The following NELL2 variants were observed in gnomAD, a reference collection of about 807,000 sequenced individuals.
NELL2 encodes protein kinase C-binding protein NELL2.
NELL2 carries 41 observed loss-of-function variants against 109.6 expected under a neutral mutation model. The ratio of observed to expected loss-of-function variants is 0.37; its 90% CI spans 0.29 to 0.49. NELL2 has a LOEUF of 0.49. Ranked by LOEUF, NELL2 falls within the 20% of genes least tolerant of loss-of-function variation. The pLI, the probability that NELL2 is intolerant of heterozygous loss-of-function variation, is 0.98. For synonymous variants in NELL2, 355 were observed against 344.7 expected, an observed-to-expected ratio of 1.03 and a Z score of -0.33; for missense variants, 900 against 1,008.3, an observed-to-expected ratio of 0.89 and a Z score of 1.45.
At chr12:44,811,344 A>AAAAAAAAAAAAAAAAAAAAAAAAG (rs1943172418) in intron 3 of NELL2, among the ~76,000 whole-genome samples, 1 of 150,986 alleles carries the variant, frequency 6.6e-6, no homozygotes, top group Non-Finnish European at 1.5e-5. Context: ...AAGTAAAAAA[A>AAAAAAAAAAAAAAAAAAAAAAAAG]AAAAAAAAAA....
At chr12:44,640,236 T>G (rs191327920) in intron 13 of NELL2, among the ~76,000 whole-genome samples, 221 of 152,304 alleles carry the variant, frequency 1.5e-3, no homozygotes, top group African/African-American at 5.1e-3. Flanking sequence ...ACACTTGCTA[T>G]GCACCAGGAA....
At chr12:44,510,175 C>T (rs970353506) in intron 19 of NELL2, among the ~76,000 whole-genome samples, 1 of 152,142 alleles carries the variant, frequency 6.6e-6, no homozygotes, top group South Asian at 2.1e-4. Context: ...TTTTTAAAAC[C>T]GTGATGATGA....
intron 13 of NELL2, among the ~76,000 whole-genome samples, chr12:44,663,061 G>A (rs547652848): frequency 6.6e-6 from 1 of 152,222 alleles, no homozygotes; most frequent in East Asian, 1.9e-4. Context: ...TCTTAAGGGA[G>A]CTCTCAAAAA....
intron 13 of NELL2, among the ~76,000 whole-genome samples, chr12:44,619,921 G>A (rs1291532093): frequency 6.6e-6 from 1 of 152,078 alleles, no homozygotes; most frequent in East Asian, 1.9e-4. Context: ...GTATAACGGA[G>A]AAAATGATGG....
At chr12:44,519,846 T>C (rs1355019610) in intron 19 of NELL2, among the ~76,000 whole-genome samples, 159 bp downstream of exon 19, 1 of 127,088 alleles carries the variant, frequency 7.9e-6, no homozygotes, top group African/African-American at 5.0e-5. Context: ...ATGACAGCCC[T>C]GGAACTAACA....
intron 10 of NELL2, among the ~76,000 whole-genome samples, chr12:44,712,890 T>C (rs1938282523): frequency 1.3e-5 from 2 of 151,844 alleles, no homozygotes; most frequent in Non-Finnish European, 2.9e-5. Flanking sequence ...ACTAGTCCAA[T>C]AAAAATTACG....
chr12:44,523,581 A>T, intron 16 of NELL2, 97 bp from the exon 17 acceptor site: 1 of 977,114 alleles, frequency 1.0e-6, no homozygotes, highest in South Asian at 1.5e-5. Flanking sequence ...AAGGTATTCA[A>T]CTGTAAATTA....
intron 2 of NELL2, among the ~76,000 whole-genome samples, chr12:44,874,109 G>T (rs143322292): frequency 2.7e-4 from 41 of 152,138 alleles, no homozygotes; most frequent in African/African-American, 9.6e-4. Context: ...GCTATATCAG[G>T]CAACAACACC....
intron 12 of NELL2, among the ~76,000 whole-genome samples, chr12:44,669,971 A>T (rs549507508): frequency 6.6e-6 from 1 of 152,340 alleles, no homozygotes; most frequent in African/African-American, 2.4e-5. Flanking sequence ...GTCAAAAGTC[A>T]AAGACAAACA....
intron 13 of NELL2, among the ~76,000 whole-genome samples, chr12:44,622,612 A>G (rs2136273702): frequency 6.6e-6 from 1 of 152,280 alleles, no homozygotes; most frequent in East Asian, 1.9e-4. Context: ...AAGAAAAACA[A>G]CCATAGCATT....
chr12:44,830,067 G>C (rs1464706376), intron 2 of NELL2, among the ~76,000 whole-genome samples: 2 of 152,044 alleles, frequency 1.3e-5, no homozygotes, highest in Non-Finnish European at 2.9e-5. Flanking sequence ...ATAAAAAGAA[G>C]AAAACAAGAT....
rs953687729 is a variant in NELL2, at chr12:44,681,664, G to A, written c.1319-16055C>T. ...CTCCCACCTATGGGTGAGAATATGC[G>A]GTGTTTGGTTTTTTGTTCTTGCGAT... On this transcript the variant is annotated intron_variant, in intron 12 of 19. Transcript: ENST00000429094. Among the ~76,000 whole-genome samples the A allele has an allele frequency of 6.6e-5, 10 of 151,994 alleles. No homozygotes were observed. In the South Asian group the frequency reaches 1.2e-3, roughly 19 times the overall value.
At position 44,874,785 on chromosome 12, in the gene NELL2, C is replaced by G. The variant is rs1298173815; in HGVS notation, c.184+440G>C. ...AAATATTCAGAGGCATTAATTTTTC[C>G]AGAAAGCTACCCCCATAAAACAATT... On this transcript the variant is annotated intron_variant, in intron 2 of 19. Coordinates refer to ENST00000429094, the MANE Select transcript of NELL2 (RefSeq NM_001145108.2). 5.3e-5 allele frequency among the ~76,000 whole-genome samples: 8 copies of G among 152,124 alleles called. No homozygotes were observed. The East Asian group carries it at 1.5e-3, about 29-fold the overall frequency.
intron 15 of NELL2, among the ~76,000 whole-genome samples, chr12:44,598,883 A>ACACACACACTCT (rs1265603008): frequency 3.5e-5 from 5 of 143,934 alleles, no homozygotes; most frequent in Admixed American, 2.1e-4. Flanking sequence ...ACACACACAC[A>ACACACACACTCT]CTCTCTCTCT....
At chr12:44,766,192 T>C (rs2408051) in intron 9 of NELL2, among the ~76,000 whole-genome samples, 55,080 of 152,096 alleles carry the variant, frequency 0.36, 10,448 homozygotes, top group Non-Finnish European at 0.42. Flanking sequence ...ACTAAGCTCC[T>C]ATATCATTGT....
At chr12:44,742,832 A>G (rs1940071944) in intron 9 of NELL2, among the ~76,000 whole-genome samples, 2 of 152,228 alleles carry the variant, frequency 1.3e-5, no homozygotes, top group Admixed American at 1.3e-4. Flanking sequence ...TGATTGGCGT[A>G]CCTGAAAGTG....
rs200833529 is a variant in NELL2 at position 44,797,791 on chromosome 12, T to C, written c.336-17769A>G. ...AGGATGAAAGGATGAAAAAATCCAA[T>C]TCTTTGACAAATTTTTATTCCATCA... On this transcript the variant is annotated intron_variant, in intron 3 of 19. Coordinates refer to ENST00000429094, the MANE Select transcript of NELL2 (RefSeq NM_001145108.2). Among the ~76,000 whole-genome samples, 8 of 148,522 alleles carry C rather than the reference T, an allele frequency of 5.4e-5. No homozygotes were observed. The East Asian group carries it at 1.6e-3, about 30-fold the overall frequency.
At chr12:44,677,149 T>C (rs769218793) in intron 12 of NELL2, among the ~76,000 whole-genome samples, 1 of 152,106 alleles carries the variant, frequency 6.6e-6, no homozygotes, top group Non-Finnish European at 1.5e-5. Context: ...AAGGAGACTA[T>C]ATGCGAAGAA....
At chr12:44,899,844 G>A (rs147647700) in intron 1 of NELL2, among the ~76,000 whole-genome samples, 3,119 of 152,138 alleles carry the variant, frequency 0.021, 104 homozygotes, top group East Asian at 0.17. Context: ...AGGACCCATC[G>A]GTGTGCTATA....
Sources: allele counts gnomAD v4.1 joint callset (sites outside exome capture counted in the v4.1 genomes callset), GRCh38; gene constraint gnomAD v4.1.1; transcripts MANE v1.5; gene names NCBI Gene and HGNC (gene_info 2026-07-23, HGNC 2026-07-21).